Variants in DNMT1 observed in about 807,000 individuals in gnomAD.
The protein encoded by DNMT1 is DNA (cytosine-5)-methyltransferase 1.
In DNMT1, 24 loss-of-function variants were observed where a neutral mutation model predicts 205.3. The ratio of observed to expected loss-of-function variants is 0.12; its 90% CI spans 0.08 to 0.16. The LOEUF is 0.16. DNMT1 is among the 10% of genes least tolerant of loss of function. The pLI, the probability that DNMT1 is intolerant of heterozygous loss-of-function variation, is 1.00. For missense variants in DNMT1, 1,293 were observed against 2,177.7 expected (o/e 0.59, Z 8.09); for synonymous variants, 817 against 839.8 (o/e 0.97, Z 0.47).
rs1337168254 is a variant in DNMT1, at chr19:10,146,904, G to A, written c.2721-380C>T. 1.3e-5 allele frequency among the ~76,000 whole-genome samples: 2 copies of A among 152,172 alleles called. No individual in the cohort carries two copies. The highest frequency in any genetic ancestry group is 4.8e-5 in the African/African-American group (2 of 41,432). On this transcript the variant is annotated intron_variant, in intron 27 of 40. Transcript: ENST00000359526. This position sits in a 1 kb window ranked among gnomAD's most constrained non-coding sequence, Gnocchi z 4.4. ...CCATAAAGGCTCAACAGGTATTTGA[G>A]GAAATTCAACATTATTCTTGACTAG...
chr19:10,168,983 A>G (rs547225948), intron 9 of DNMT1, among the ~76,000 whole-genome samples: 121 of 152,214 alleles, frequency 7.9e-4, no homozygotes, highest in Admixed American at 3.0e-3. Context: ...GTTTACAGGC[A>G]CACACCACCA....
chr19:10,148,116 C>CAAAAAAAAAAAAAAAAAAAAAAATAA (rs35310173), intron 27 of DNMT1, among the ~76,000 whole-genome samples: 5 of 59,292 alleles, frequency 8.4e-5, no homozygotes, highest in Admixed American at 2.1e-4. Context: ...AACTCTGTCT[C>CAAAAAAAAAAAAAAAAAAAAAAATAA]AAAAAAAAAA....
intron 22 of DNMT1, among the ~76,000 whole-genome samples, chr19:10,152,504 A>G (rs2038368495): frequency 6.6e-6 from 1 of 152,112 alleles, no homozygotes; most frequent in Non-Finnish European, 1.5e-5. Flanking sequence ...AAATTCCTGC[A>G]GTCCCGGCAA....
At position 10,159,989 on chromosome 19, in the gene DNMT1, C is replaced by T; in HGVS notation, c.1089+29G>A. 2 of 1,614,228 alleles carry T rather than the reference C, an allele frequency of 1.2e-6. No homozygotes were observed. The highest frequency in any genetic ancestry group is 1.7e-6 in the Non-Finnish European group (2 of 1,180,038). ...CTCCCAGCCGCCTCGTGAGCGCCGCCACCGGCTTTATTCCCGGCAGATGTT... is the reference window on the plus strand; with the variant it reads ...CTCCCAGCCGCCTCGTGAGCGCCGCTACCGGCTTTATTCCCGGCAGATGTT... On this transcript the variant is annotated intron_variant, in intron 15 of 40. Coordinates refer to ENST00000359526, the MANE Select transcript of DNMT1 (RefSeq NM_001130823.3). This position sits in a 1 kb window ranked among gnomAD's most constrained non-coding sequence, Gnocchi z 5.0.
At chr19:10,144,998 C>T (rs956979517) in intron 28 of DNMT1, among the ~76,000 whole-genome samples, 2 of 152,226 alleles carry the variant, frequency 1.3e-5, no homozygotes, top group African/African-American at 2.4e-5. Flanking sequence ...CGCACCCAGT[C>T]CAGCTTCTGT....
intron 11 of DNMT1, among the ~76,000 whole-genome samples, chr19:10,166,037 C>T (rs896044282): frequency 4.6e-5 from 7 of 152,146 alleles, no homozygotes; most frequent in Non-Finnish European, 7.4e-5. Context: ...GATAGGGACC[C>T]GCCGCCCCCC....
rs970942963 is a variant in DNMT1, at chr19:10,162,979, T to A, written c.927-231A>T. 72 of 578,240 alleles carry A rather than the reference T, an allele frequency of 1.2e-4. No individual in the cohort carries two copies. In the African/African-American group the frequency reaches 1.3e-3, roughly 10 times the overall value. 35.8% of individuals were successfully genotyped at this position (578,240 alleles called of 1,614,324 possible). A position where few individuals can be genotyped will look rare whatever the true frequency, so the allele number is the denominator to read the frequency against. ...CTAGAACAGGCTTTTTTTTTTTTTTTTTTTTGAGACAGAGTTTCACTCTTG... is the reference window on the plus strand; with the variant it reads ...CTAGAACAGGCTTTTTTTTTTTTTTATTTTTGAGACAGAGTTTCACTCTTG... On this transcript the variant is annotated intron_variant, in intron 12 of 40. Coordinates refer to ENST00000359526, the MANE Select transcript of DNMT1 (RefSeq NM_001130823.3).
intron 1 of DNMT1, among the ~76,000 whole-genome samples, chr19:10,190,746 C>G (rs1287977575): frequency 6.7e-6 from 1 of 150,266 alleles, no homozygotes; most frequent in Non-Finnish European, 1.5e-5. Context: ...GCCTGGGCGA[C>G]AGCACAAGAC....
intron 33 of DNMT1, 59 bp from the exon 34 acceptor site, chr19:10,139,876 C>T: frequency 6.4e-7 from 1 of 1,558,390 alleles, no homozygotes; most frequent in Non-Finnish European, 8.7e-7. Context: ...AAGAAACGAC[C>T]CACTGTGCCG....
chr19:10,142,001 C>T (rs1425351569), intron 30 of DNMT1, 27 bp downstream of exon 30: 2 of 1,610,742 alleles, frequency 1.2e-6, no homozygotes, highest in Non-Finnish European at 1.7e-6. Flanking sequence ...ACCCCGAAGC[C>T]TTCCCTCTAG....
intron 39 of DNMT1, among the ~76,000 whole-genome samples, chr19:10,134,648 G>A (rs2089439932): frequency 6.6e-6 from 1 of 152,104 alleles, no homozygotes; most frequent in Non-Finnish European, 1.5e-5. Flanking sequence ...GAGGCCAGGA[G>A]TTCGAGAGCA....
At position 10,194,943 on chromosome 19, in the gene DNMT1, CG is replaced by C; in HGVS notation, c.-45del. ...CGCGGCGGCGGCAGCGCAGGCGCCC[CG>C]GCTTTTCGCGCGGAAACCGATGGGG... On this transcript the variant is annotated 5_prime_UTR_variant, in exon 1 of 41. Transcript: ENST00000359526. 1 of 1,571,010 alleles carries C rather than the reference CG, an allele frequency of 6.4e-7. No homozygotes were observed. The highest frequency in any genetic ancestry group is 8.6e-7 in the Non-Finnish European group (1 of 1,160,006).
chr19:10,152,181 A>AGG (rs2038359523), intron 22 of DNMT1, among the ~76,000 whole-genome samples: 1 of 148,014 alleles, frequency 6.8e-6, no homozygotes, highest in African/African-American at 2.5e-5. Context: ...AAAAAAAAAA[A>AGG]AAAAAAAAGG....
intron 27 of DNMT1, among the ~76,000 whole-genome samples, chr19:10,147,669 T>C (rs1009189992): frequency 6.6e-6 from 1 of 152,038 alleles, no homozygotes; most frequent in African/African-American, 2.4e-5. Flanking sequence ...ACGAGACTTA[T>C]GGGAGAAGCA....
At chr19:10,163,087 G>A (rs553387956) in intron 12 of DNMT1, 4 of 566,900 alleles carry the variant, frequency 7.1e-6, no homozygotes, top group Non-Finnish European at 1.3e-5. Context: ...TCAGCCTTCC[G>A]AGTAGCTGGG....
At chr19:10,164,983 A>C (rs1198341703) in intron 11 of DNMT1, among the ~76,000 whole-genome samples, 1 of 140,746 alleles carries the variant, frequency 7.1e-6, no homozygotes, top group African/African-American at 2.6e-5. Flanking sequence ...ACTGAATGCA[A>C]CGGTTCATGC....
chr19:10,133,832 G>C lies in DNMT1; in HGVS notation c.4865-131C>G. 1 of 1,018,020 alleles carries C rather than the reference G, an allele frequency of 9.8e-7. No individual in the cohort carries two copies. Among genetic ancestry groups the C allele is most frequent in the Non-Finnish European group, 1.5e-6 (1 of 664,178 alleles). 63.1% of individuals were successfully genotyped at this position (1,018,020 alleles called of 1,614,324 possible). ...ATGTTAACAGCTGACCCAATAAGTGGCAGAGTGCTAAGGGAACGTTCACGG... is the reference window on the plus strand; with the variant it reads ...ATGTTAACAGCTGACCCAATAAGTGCCAGAGTGCTAAGGGAACGTTCACGG... On this transcript the variant is annotated intron_variant, in intron 40 of 40. Transcript: ENST00000359526. This position sits in a 1 kb window ranked among gnomAD's most constrained non-coding sequence, Gnocchi z 4.1.
At chr19:10,135,950 T>C (rs962143387) in intron 38 of DNMT1, 98 bp from the exon 39 acceptor site, 6 of 1,487,674 alleles carry the variant, frequency 4.0e-6, no homozygotes, top group South Asian at 1.2e-5. Flanking sequence ...CATACGGCCA[T>C]GGCCTTGGCC....
intron 1 of DNMT1, among the ~76,000 whole-genome samples, chr19:10,191,285 A>T (rs910144108): frequency 7.1e-6 from 1 of 140,086 alleles, no homozygotes; most frequent in Non-Finnish European, 1.6e-5. Context: ...TGCCTCAATT[A>T]AAAAAAAAAA....
Sources: allele counts gnomAD v4.1 joint callset (sites outside exome capture counted in the v4.1 genomes callset), GRCh38; gene constraint gnomAD v4.1.1; non-coding constraint Gnocchi (gnomAD v3.1); transcripts MANE v1.5; gene names NCBI Gene and HGNC (gene_info 2026-07-23, HGNC 2026-07-21).